EYA4: variants seen among roughly 807,000 people sequenced by gnomAD.
The protein encoded by EYA4 is EYA transcriptional coactivator and phosphatase 4, also known as protein phosphatase EYA4.
EYA4 carries 31 observed loss-of-function variants against 87.9 expected under a neutral mutation model. The observed-to-expected ratio is 0.35, with a 90% CI of 0.27 to 0.48. EYA4 has a LOEUF of 0.48. EYA4 is among the 20% of genes least tolerant of loss of function. EYA4 has a pLI of 0.99. For synonymous variants in EYA4, 263 were observed against 270.6 expected, an observed-to-expected ratio of 0.97 and a Z score of 0.28; for missense variants, 678 against 761.4, an observed-to-expected ratio of 0.89 and a Z score of 1.29.
intron 2 of EYA4, among the ~76,000 whole-genome samples, chr6:133,362,552 TA>T (rs1397006188): frequency 1.3e-5 from 2 of 151,844 alleles, no homozygotes; most frequent in South Asian, 4.2e-4. Context: ...ACAGACTCCT[TA>T]AAAAAAATAG....
chr6:133,349,123 A>C lies in EYA4; in HGVS notation c.34-33269A>C, dbSNP rs80119599. Among the ~76,000 whole-genome samples the C allele has an allele frequency of 7.8e-3, 1,185 of 152,112 alleles. 19 individuals are homozygous for C. Among genetic ancestry groups the C allele is most frequent in the African/African-American group, 0.027 (1,130 of 41,476 alleles). ...GCACTTACTTTCCTCTATGTCTAAAACGTTCATCTCTTAAGTGTTTGTATA... is the reference window on the plus strand; with the variant it reads ...GCACTTACTTTCCTCTATGTCTAAACCGTTCATCTCTTAAGTGTTTGTATA... On this transcript the variant is annotated intron_variant, in intron 2 of 19. Transcript: ENST00000355286.
intron 14 of EYA4, among the ~76,000 whole-genome samples, chr6:133,506,606 C>T (rs1371598172): frequency 6.6e-6 from 1 of 152,206 alleles, no homozygotes; most frequent in East Asian, 1.9e-4. Context: ...TGAAACTTAA[C>T]TTTAGCTAAC....
At chr6:133,522,990 AT>A in intron 17 of EYA4, 65 bp from the exon 18 acceptor site, 1 of 1,415,374 alleles carries the variant, frequency 7.1e-7, no homozygotes, top group Non-Finnish European at 1.0e-6. Context: ...CACAGTGACA[AT>A]TTTAAATCTA....
intron 1 of EYA4, among the ~76,000 whole-genome samples, chr6:133,258,814 C>CGGTT (rs1372901044): frequency 6.6e-6 from 1 of 152,082 alleles, no homozygotes. Context: ...CCAGGCAAAC[C>CGGTT]ACATCTTCCT....
At chr6:133,363,863 T>C (rs549638777) in intron 2 of EYA4, among the ~76,000 whole-genome samples, 5 of 152,210 alleles carry the variant, frequency 3.3e-5, no homozygotes, top group South Asian at 4.2e-4. Flanking sequence ...CAGGCCTGGG[T>C]TGTCAAATGG....
intron 2 of EYA4, among the ~76,000 whole-genome samples, chr6:133,322,983 T>C (rs1256497791): frequency 6.6e-6 from 1 of 152,102 alleles, no homozygotes; most frequent in African/African-American, 2.4e-5. Flanking sequence ...CCCATGATTT[T>C]AGTGATTGTT....
At position 133,335,808 on chromosome 6, in the gene EYA4, G is replaced by A. The variant is rs995828794; in HGVS notation, c.34-46584G>A. Among the ~76,000 whole-genome samples the A allele has an allele frequency of 2.6e-5, 4 of 152,142 alleles. No homozygotes were observed. In the East Asian group the frequency reaches 7.7e-4, roughly 29 times the overall value. On this transcript the variant is annotated intron_variant, in intron 2 of 19. Coordinates refer to ENST00000355286, the MANE Select transcript of EYA4 (RefSeq NM_004100.5). The stretch of plus-strand genomic sequence containing the variant: ...GGGTAAGTAGGGGCCAGGACATCAA[G>A]CACTTGTAGGCCACATTTAGGGTCT...
chr6:133,357,403 G>A (rs1013573284), intron 2 of EYA4, among the ~76,000 whole-genome samples: 2 of 151,292 alleles, frequency 1.3e-5, no homozygotes, highest in African/African-American at 4.9e-5. Context: ...AATGTATTTT[G>A]CAGAAATATC....
intron 1 of EYA4, among the ~76,000 whole-genome samples, chr6:133,251,406 C>T (rs116165731): frequency 6.6e-5 from 10 of 152,150 alleles, no homozygotes; most frequent in African/African-American, 2.4e-4. Context: ...GTAATTAGTA[C>T]CTCTACTTAC....
intron 3 of EYA4, among the ~76,000 whole-genome samples, chr6:133,395,931 T>C (rs1353775645): frequency 6.6e-6 from 1 of 152,178 alleles, no homozygotes; most frequent in African/African-American, 2.4e-5. Flanking sequence ...ATTTAATGGT[T>C]ATTCTAATTA....
intron 2 of EYA4, among the ~76,000 whole-genome samples, chr6:133,358,435 T>G (rs999457873): frequency 3.3e-5 from 5 of 152,210 alleles, no homozygotes; most frequent in African/African-American, 1.2e-4. Context: ...CCCTTTTTGT[T>G]GGAAATGCAT....
intron 2 of EYA4, among the ~76,000 whole-genome samples, chr6:133,320,854 C>T (rs898677261): frequency 2.0e-5 from 3 of 152,134 alleles, no homozygotes; most frequent in Non-Finnish European, 4.4e-5. Flanking sequence ...GACATGATTT[C>T]ACTCTCTTTT....
rs112867457 is a variant in EYA4 at position 133,483,336 on chromosome 6, A to G, written c.1191+221A>G. ...AATTCCTTGCTATTTCTTCAAAAGG[A>G]CTGAGTTTTCTACATCAAGACCAAG... On this transcript the variant is annotated intron_variant, in intron 13 of 19. Coordinates refer to ENST00000355286, the MANE Select transcript of EYA4 (RefSeq NM_004100.5). Among the ~76,000 whole-genome samples, 1,124 of 152,266 alleles carry G rather than the reference A, an allele frequency of 7.4e-3. 17 individuals carry two copies. Among genetic ancestry groups the G allele is most frequent in the African/African-American group, 0.025 (1,049 of 41,540 alleles).
chr6:133,362,529 G>A (rs767497594), intron 2 of EYA4, among the ~76,000 whole-genome samples: 4 of 152,176 alleles, frequency 2.6e-5, no homozygotes, highest in Non-Finnish European at 5.9e-5. Context: ...GGCAGTAAAT[G>A]CCCTCAATTG....
chr6:133,344,465 A>G (rs1231868177), intron 2 of EYA4, among the ~76,000 whole-genome samples: 1 of 152,162 alleles, frequency 6.6e-6, no homozygotes, highest in Non-Finnish European at 1.5e-5. Context: ...ATAACTTGTT[A>G]TTTATTTTAA....
chr6:133,478,886 T>C (rs191609298), intron 11 of EYA4, among the ~76,000 whole-genome samples: 3 of 152,308 alleles, frequency 2.0e-5, no homozygotes, highest in East Asian at 3.9e-4. Context: ...CCTGCTAAAC[T>C]CCTCCTTTAT....
At chr6:133,412,424 C>G (rs1293100691) in intron 3 of EYA4, among the ~76,000 whole-genome samples, 1 of 152,154 alleles carries the variant, frequency 6.6e-6, no homozygotes, top group Non-Finnish European at 1.5e-5. Flanking sequence ...CCCTCATGCC[C>G]TCTTCACAAT....
intron 10 of EYA4, 22 bp downstream of exon 10, chr6:133,464,880 A>G (rs146984502): frequency 6.6e-7 from 1 of 1,522,442 alleles, no homozygotes; most frequent in African/African-American, 1.4e-5. Flanking sequence ...TTTTGTGTTT[A>G]TGCTTTTTAT....
chr6:133,402,909 T>C (rs1475795691), intron 3 of EYA4, among the ~76,000 whole-genome samples: 2 of 152,190 alleles, frequency 1.3e-5, no homozygotes, highest in African/African-American at 4.8e-5. Context: ...ATCTGATGTT[T>C]CCATGAATTG....
Sources: allele counts gnomAD v4.1 joint callset (sites outside exome capture counted in the v4.1 genomes callset), GRCh38; gene constraint gnomAD v4.1.1; transcripts MANE v1.5; gene names NCBI Gene and HGNC (gene_info 2026-07-23, HGNC 2026-07-21).